The following SPAG16 variants were observed in gnomAD, a reference collection of about 807,000 sequenced individuals.
The protein encoded by SPAG16 is sperm associated antigen 16, also known as sperm-associated antigen 16 protein.
Under a neutral mutation model 80.4 loss-of-function variants are expected in SPAG16, and 86 were observed. The observed-to-expected ratio is 1.07, with a 90% CI of 0.90 to 1.28. The LOEUF (loss-of-function observed/expected upper bound fraction) is 1.28, where lower values mean the gene tolerates loss of function less well. Among genes scored for constraint, SPAG16 ranks in the 50% most tolerant of loss-of-function variants. SPAG16 has a pLI of 0.00. For synonymous variants in SPAG16, 294 were observed against 265.9 expected (o/e 1.11, Z -1.03); for missense variants, 870 against 765.3 (o/e 1.14, Z -1.61).
At position 213,526,191 on chromosome 2, in the gene SPAG16, C is replaced by A. The variant is rs187447627; in HGVS notation, c.1070+36101C>A. Among the ~76,000 whole-genome samples, 267 of 152,198 alleles carry A rather than the reference C, an allele frequency of 1.8e-3. 1 individual carries two copies. Among genetic ancestry groups the A allele is most frequent in the African/African-American group, 6.2e-3 (259 of 41,538 alleles). The stretch of plus-strand genomic sequence containing the variant: ...ACCCTCCTATGCACTTTCTTTCTCT[C>A]CAGTCTCCCAATTTGTAATTATATC... On this transcript the variant is annotated intron_variant, in intron 10 of 15. Coordinates refer to ENST00000331683, the MANE Select transcript of SPAG16 (RefSeq NM_024532.5).
intron 15 of SPAG16, among the ~76,000 whole-genome samples, chr2:214,282,045 A>G (rs1258241308): frequency 6.6e-6 from 1 of 152,196 alleles, no homozygotes; most frequent in Non-Finnish European, 1.5e-5. Context: ...GAGAACAAAG[A>G]AACTTTCAGA....
chr2:214,370,525 A>C (rs1036544193), intron 15 of SPAG16, among the ~76,000 whole-genome samples: 8 of 152,190 alleles, frequency 5.3e-5, no homozygotes, highest in Admixed American at 3.9e-4. Flanking sequence ...TTATTACCAC[A>C]ATCAAATTAG....
intron 13 of SPAG16, among the ~76,000 whole-genome samples, chr2:214,069,070 C>A (rs886519203): frequency 5.9e-5 from 9 of 152,068 alleles, no homozygotes; most frequent in Admixed American, 4.6e-4. Context: ...TTCATAAGAT[C>A]AAATTACATT....
chr2:214,026,980 T>G (rs1438267917), intron 13 of SPAG16, among the ~76,000 whole-genome samples: 5 of 151,646 alleles, frequency 3.3e-5, no homozygotes, highest in African/African-American at 9.7e-5. Context: ...TGTATATCTT[T>G]TGACTTTGTA....
intron 9 of SPAG16, among the ~76,000 whole-genome samples, chr2:213,377,620 C>T (rs1021411508): frequency 1.3e-5 from 2 of 152,062 alleles, no homozygotes; most frequent in Admixed American, 6.6e-5. Flanking sequence ...GGTGTGTGGC[C>T]GTTCGTAAAT....
At chr2:213,559,899 T>C (rs1384625635) in intron 10 of SPAG16, among the ~76,000 whole-genome samples, 1 of 152,096 alleles carries the variant, frequency 6.6e-6, no homozygotes, top group Non-Finnish European at 1.5e-5. Context: ...ATTCTGATAA[T>C]ATGCTTTTAA....
At chr2:213,517,838 A>G (rs1358854507) in intron 10 of SPAG16, among the ~76,000 whole-genome samples, 1 of 152,182 alleles carries the variant, frequency 6.6e-6, no homozygotes, top group Admixed American at 6.5e-5. Context: ...TAAGACCTAA[A>G]ACTATGAAAA....
At chr2:213,907,394 T>C (rs892275334) in intron 11 of SPAG16, among the ~76,000 whole-genome samples, 20 of 151,692 alleles carry the variant, frequency 1.3e-4, no homozygotes, top group African/African-American at 4.6e-4. Flanking sequence ...CTGGTGAGAA[T>C]GCAGAGAAAA....
At chr2:213,870,564 T>G (rs2075907423) in intron 11 of SPAG16, among the ~76,000 whole-genome samples, 1 of 152,204 alleles carries the variant, frequency 6.6e-6, no homozygotes, top group African/African-American at 2.4e-5. Flanking sequence ...TCTGTTATTT[T>G]ACTTAAACTC....
chr2:213,582,998 T>C (rs2060346616), intron 10 of SPAG16, among the ~76,000 whole-genome samples: 1 of 152,190 alleles, frequency 6.6e-6, no homozygotes, highest in Non-Finnish European at 1.5e-5. Flanking sequence ...GAATGCTATG[T>C]CATTTTTTAT....
At chr2:213,663,121 G>A (rs2063483547) in intron 10 of SPAG16, among the ~76,000 whole-genome samples, 1 of 152,060 alleles carries the variant, frequency 6.6e-6, no homozygotes, top group Non-Finnish European at 1.5e-5. Flanking sequence ...ACTTTAGTGT[G>A]ACTGTATGAT....
At chr2:213,757,780 C>CA (rs543049472) in intron 10 of SPAG16, among the ~76,000 whole-genome samples, 9 of 151,824 alleles carry the variant, frequency 5.9e-5, no homozygotes, top group African/African-American at 1.9e-4. Context: ...CCAGAGTGGG[C>CA]AAAAAAAGGA....
intron 9 of SPAG16, chr2:213,422,061 A>G (rs2069627286): frequency 1.6e-6 from 1 of 606,160 alleles, no homozygotes; most frequent in African/African-American, 1.8e-5. Context: ...TGAACTCGGG[A>G]CCCACTAACT....
intron 14 of SPAG16, among the ~76,000 whole-genome samples, chr2:214,122,992 A>G (rs1296853458): frequency 1.3e-5 from 2 of 151,968 alleles, no homozygotes; most frequent in African/African-American, 4.8e-5. Flanking sequence ...TTTTTAAACT[A>G]AATATTTTAT....
At chr2:214,036,219 A>G (rs1432375750) in intron 13 of SPAG16, among the ~76,000 whole-genome samples, 1 of 152,074 alleles carries the variant, frequency 6.6e-6, no homozygotes, top group Non-Finnish European at 1.5e-5. Flanking sequence ...TTCTTGGCCA[A>G]TGGAAATTTT....
chr2:213,353,695 C>T (rs556051833), intron 7 of SPAG16, among the ~76,000 whole-genome samples: 2 of 152,204 alleles, frequency 1.3e-5, no homozygotes, highest in South Asian at 2.1e-4. Flanking sequence ...GCATCTCGTC[C>T]CTCAGGCACA....
At chr2:214,131,757 A>C (rs954660330) in intron 14 of SPAG16, among the ~76,000 whole-genome samples, 7 of 152,356 alleles carry the variant, frequency 4.6e-5, no homozygotes, top group African/African-American at 1.7e-4. Flanking sequence ...TGGAAAAGGC[A>C]AAACTGTAGA....
chr2:214,113,333 T>C (rs529458923), intron 14 of SPAG16, among the ~76,000 whole-genome samples: 1 of 152,310 alleles, frequency 6.6e-6, no homozygotes, highest in South Asian at 2.1e-4. Flanking sequence ...TTTGTGGTGT[T>C]CTCTGTATTT....
chr2:214,343,333 A>G (rs1355154212), intron 15 of SPAG16, among the ~76,000 whole-genome samples: 1 of 152,168 alleles, frequency 6.6e-6, no homozygotes, highest in African/African-American at 2.4e-5. Context: ...CAGATTTTTA[A>G]AAGAGAGGTG....
Sources: gnomAD v4.1 joint callset for allele counts (sites outside exome capture counted in the v4.1 genomes callset) on GRCh38, gnomAD v4.1.1 for gene constraint, MANE v1.5 for transcripts, NCBI Gene and HGNC (gene_info 2026-07-23, HGNC 2026-07-21) for gene names.